Variants in MTHFD2L observed in about 807,000 individuals in gnomAD.
MTHFD2L encodes the protein bifunctional methylenetetrahydrofolate dehydrogenase/cyclohydrolase 2, mitochondrial.
A neutral mutation model predicts 34.9 loss-of-function variants in MTHFD2L; 29 were observed. That is an observed-to-expected ratio of 0.83 (90% confidence interval 0.62 to 1.13). The LOEUF (loss-of-function observed/expected upper bound fraction) is 1.13, where lower values mean the gene tolerates loss of function less well. MTHFD2L is among the 50% of genes most tolerant of loss of function. The pLI, the probability that MTHFD2L is intolerant of heterozygous loss-of-function variation, is 0.00. For synonymous variants in MTHFD2L, 167 were observed against 155.7 expected (o/e 1.07, Z -0.54); for missense variants, 481 against 446.5 (o/e 1.08, Z -0.70).
At chr4:74,281,633 A>G in intron 7 of MTHFD2L, 83 bp downstream of exon 7, 2 of 1,359,146 alleles carry the variant, frequency 1.5e-6, no homozygotes, top group Non-Finnish European at 2.0e-6. Flanking sequence ...AGTTTCATTT[A>G]TGGAGGAATT....
At chr4:74,291,845 C>A (rs1749006287) in intron 7 of MTHFD2L, among the ~76,000 whole-genome samples, 1 of 152,148 alleles carries the variant, frequency 6.6e-6, no homozygotes, top group Admixed American at 6.6e-5. Flanking sequence ...AAGTGACTCC[C>A]AACCACTTCA....
intron 6 of MTHFD2L, among the ~76,000 whole-genome samples, chr4:74,271,714 T>A (rs1746015299): frequency 6.6e-6 from 1 of 152,156 alleles, no homozygotes; most frequent in Non-Finnish European, 1.5e-5. Context: ...AAGAAAGTCA[T>A]TGGTAGCTTG....
At chr4:74,194,308 T>C (rs1386615280) in intron 3 of MTHFD2L, 1 of 152,178 alleles carries the variant, frequency 6.6e-6, no homozygotes, top group Non-Finnish European at 1.5e-5. Context: ...CTTAAGCAAG[T>C]AGGACTGAAT....
At chr4:74,150,706 A>T (rs957709886) in intron 1 of MTHFD2L, among the ~76,000 whole-genome samples, 1 of 152,214 alleles carries the variant, frequency 6.6e-6, no homozygotes, top group Admixed American at 6.5e-5. Context: ...AATGACACAC[A>T]TCAAAACAAA....
At chr4:74,181,767 G>A (rs1425577555) in intron 3 of MTHFD2L, 8 of 152,030 alleles carry the variant, frequency 5.3e-5, no homozygotes, top group Non-Finnish European at 1.0e-4. Flanking sequence ...ATGAACTATA[G>A]GATTAAAGGA....
chr4:74,282,213 TC>T (rs1431916674), intron 7 of MTHFD2L, among the ~76,000 whole-genome samples: 1 of 152,120 alleles, frequency 6.6e-6, no homozygotes, highest in Non-Finnish European at 1.5e-5. Flanking sequence ...TGATTTTACT[TC>T]CGTTATCTTT....
intron 2 of MTHFD2L, among the ~76,000 whole-genome samples, chr4:74,115,262 A>G (rs1286243706): frequency 6.6e-6 from 1 of 152,194 alleles, no homozygotes; most frequent in Non-Finnish European, 1.5e-5. Flanking sequence ...TTTGAGATTG[A>G]GTTTAGAATA....
upstream of MTHFD2L, among the ~76,000 whole-genome samples, chr4:74,125,057 A>T (rs1436315916): frequency 6.6e-6 from 1 of 152,166 alleles, no homozygotes; most frequent in Non-Finnish European, 1.5e-5. Flanking sequence ...TTTTGATATA[A>T]GCAAATTCTA....
chr4:74,301,935 C>A lies in MTHFD2L; in HGVS notation c.*126C>A. The stretch of plus-strand genomic sequence containing the variant: ...GTATTTATTTTTTCATGGGTGAAAT[C>A]ATTGTGAATCAATTGATTCACATAG... On this transcript the variant is annotated 3_prime_UTR_variant, in exon 8 of 8. Transcript: ENST00000325278. The A allele has an allele frequency of 4.2e-6, 2 of 475,084 alleles. No individual in the cohort carries two copies. The highest frequency in any genetic ancestry group is 7.4e-6 in the Non-Finnish European group (2 of 268,886). 29.4% of individuals were successfully genotyped at this position (475,084 alleles called of 1,614,324 possible).
chr4:74,184,749 A>G (rs1014582232), intron 3 of MTHFD2L, among the ~76,000 whole-genome samples: 2 of 152,186 alleles, frequency 1.3e-5, no homozygotes, highest in African/African-American at 2.4e-5. Context: ...ATTTACCAGT[A>G]TATACCACAT....
intron 6 of MTHFD2L, among the ~76,000 whole-genome samples, chr4:74,246,254 C>A (rs1352235247): frequency 6.6e-6 from 1 of 151,758 alleles, no homozygotes; most frequent in Non-Finnish European, 1.5e-5. Flanking sequence ...TTTCGTGTGT[C>A]TTTTGGCTGC....
Position 74,280,867 on chromosome 4 carries a change from G to C in MTHFD2L, c.806-558G>C, listed in dbSNP as rs576113576. ...AAAAGAAAGCTCAAGGTAGCACTTA[G>C]CACTGCACATTTGGAGTTGATGAGA... is the stretch of plus-strand genomic sequence containing the variant. On this transcript the variant is annotated intron_variant, in intron 6 of 7. Transcript: ENST00000325278. Among the ~76,000 whole-genome samples, 4 of 152,174 alleles carry C rather than the reference G, an allele frequency of 2.6e-5. No homozygotes were observed. The East Asian group carries it at 7.8e-4, about 29-fold the overall frequency.
At chr4:74,283,383 T>C (rs1439987618) in intron 7 of MTHFD2L, among the ~76,000 whole-genome samples, 1 of 152,124 alleles carries the variant, frequency 6.6e-6, no homozygotes, top group African/African-American at 2.4e-5. Context: ...TCACTTCATG[T>C]CACATGAAGT....
intron 6 of MTHFD2L, among the ~76,000 whole-genome samples, chr4:74,236,359 G>T (rs1740833031): frequency 6.6e-6 from 1 of 152,130 alleles, no homozygotes; most frequent in South Asian, 2.1e-4. Flanking sequence ...TTCTAAACTA[G>T]ATTGCCTAAA....
chr4:74,205,431 C>T (rs1261828729), intron 5 of MTHFD2L, among the ~76,000 whole-genome samples: 1 of 152,150 alleles, frequency 6.6e-6, no homozygotes, highest in Non-Finnish European at 1.5e-5. Flanking sequence ...AGAAGACATG[C>T]AGAACCCTAG....
rs112474162 is a variant in MTHFD2L, at chr4:74,297,780, A to G, written c.932-3917A>G. ...TGAATAGAATTTAACTCTTTCTCAC[A>G]TGACTAATTTTAGCACATAAGCCAC... On this transcript the variant is annotated intron_variant, in intron 7 of 7. Coordinates refer to ENST00000325278, the MANE Select transcript of MTHFD2L (RefSeq NM_001144978.3). Among the ~76,000 whole-genome samples the G allele has an allele frequency of 7.3e-3, 1,109 of 152,236 alleles. 21 individuals carry two copies. Among genetic ancestry groups the G allele is most frequent in the African/African-American group, 0.026 (1,064 of 41,566 alleles).
At chr4:74,249,640 A>G (rs1743025838) in intron 6 of MTHFD2L, among the ~76,000 whole-genome samples, 1 of 152,086 alleles carries the variant, frequency 6.6e-6, no homozygotes, top group Non-Finnish European at 1.5e-5. Context: ...TTCCATGTTT[A>G]GTGCTTCCTT....
At chr4:74,279,103 C>T (rs887512154) in intron 6 of MTHFD2L, among the ~76,000 whole-genome samples, 4 of 152,104 alleles carry the variant, frequency 2.6e-5, no homozygotes, top group African/African-American at 4.8e-5. Context: ...AAATGACCAT[C>T]ACTGTATTAT....
chr4:74,231,296 C>G (rs567381081), intron 6 of MTHFD2L, among the ~76,000 whole-genome samples: 2 of 152,100 alleles, frequency 1.3e-5, no homozygotes, highest in South Asian at 2.1e-4. Context: ...GGTTTTCCCC[C>G]GGGTGTATTT....
Sources: gnomAD v4.1 joint callset for allele counts (sites outside exome capture counted in the v4.1 genomes callset) on GRCh38, gnomAD v4.1.1 for gene constraint, MANE v1.5 for transcripts, NCBI Gene and HGNC (gene_info 2026-07-23, HGNC 2026-07-21) for gene names.